Variants in CSMD2 observed in about 807,000 individuals in gnomAD.
CSMD2 encodes CUB and sushi domain-containing protein 2.
CSMD2 carries 130 observed loss-of-function variants against 398.5 expected under a neutral mutation model. The ratio of observed to expected loss-of-function variants is 0.33; its 90% CI spans 0.28 to 0.38. The LOEUF is 0.38. CSMD2 is among the 10% of genes least tolerant of loss of function. The pLI, the probability that CSMD2 is intolerant of heterozygous loss-of-function variation, is 1.00. For synonymous variants in CSMD2, 1,828 were observed against 1,908.5 expected (o/e 0.96, Z 1.10); for missense variants, 3,829 against 4,764.9 (o/e 0.80, Z 5.78).
At chr1:33,588,080 A>G (rs1639202796) in intron 44 of CSMD2, among the ~76,000 whole-genome samples, 1 of 152,254 alleles carries the variant, frequency 6.6e-6, no homozygotes, top group South Asian at 2.1e-4. Context: ...ACGACTGTTA[A>G]CCAATTACAG....
chr1:34,157,294 A>C (rs1167384325), intron 1 of CSMD2, among the ~76,000 whole-genome samples: 2 of 152,130 alleles, frequency 1.3e-5, no homozygotes, highest in African/African-American at 4.8e-5. Context: ...GAAGATGAAG[A>C]TGCTACAACA....
chr1:34,004,086 A>G (rs373030372), intron 3 of CSMD2, among the ~76,000 whole-genome samples: 32 of 152,214 alleles, frequency 2.1e-4, no homozygotes, highest in African/African-American at 7.5e-4. Context: ...CAACCTGAGT[A>G]CAGCCAAAAA....
At chr1:33,844,098 A>C (rs979472622) in intron 6 of CSMD2, among the ~76,000 whole-genome samples, 10 of 152,056 alleles carry the variant, frequency 6.6e-5, no homozygotes, top group Admixed American at 1.3e-4. Context: ...CTCCCGCTGG[A>C]CCCCTGACTG....
At chr1:34,014,191 G>A (rs898191741) in intron 3 of CSMD2, among the ~76,000 whole-genome samples, 1 of 152,162 alleles carries the variant, frequency 6.6e-6, no homozygotes, top group African/African-American at 2.4e-5. Flanking sequence ...CTTCTCACCT[G>A]CATTGCTGCA....
chr1:33,813,656 T>C (rs1162392234), intron 9 of CSMD2, among the ~76,000 whole-genome samples: 1 of 152,126 alleles, frequency 6.6e-6, no homozygotes, highest in African/African-American at 2.4e-5. Context: ...CATAGGGAGC[T>C]ACCACCTGGA....
chr1:34,139,957 C>T (rs538632634), intron 1 of CSMD2, among the ~76,000 whole-genome samples: 1 of 152,278 alleles, frequency 6.6e-6, no homozygotes, highest in South Asian at 2.1e-4. Flanking sequence ...CATGTCATTT[C>T]CATGGTCCCT....
intron 27 of CSMD2, 146 bp from the exon 28 acceptor site, chr1:33,652,607 AT>A (rs1643821156): frequency 1.2e-6 from 1 of 804,226 alleles, no homozygotes; most frequent in East Asian, 2.6e-5. Context: ...AGAAGGTGAA[AT>A]GATGGACTTC....
chr1:33,799,064 A>G (rs1281334338), intron 10 of CSMD2, among the ~76,000 whole-genome samples: 2 of 152,132 alleles, frequency 1.3e-5, no homozygotes, highest in Admixed American at 6.5e-5. Context: ...CTCTGTACCA[A>G]ATGCTCTTAG....
At chr1:33,913,590 C>G (rs952944641) in intron 5 of CSMD2, among the ~76,000 whole-genome samples, 1 of 152,266 alleles carries the variant, frequency 6.6e-6, no homozygotes, top group Middle Eastern at 3.4e-3. Flanking sequence ...ACCCATTTTT[C>G]AGATGTGGAA....
chr1:34,139,199 A>G (rs1639040675), intron 1 of CSMD2, among the ~76,000 whole-genome samples: 1 of 152,218 alleles, frequency 6.6e-6, no homozygotes, highest in Non-Finnish European at 1.5e-5. Flanking sequence ...AGGGGTGATT[A>G]ATCCATTCAT....
At chr1:33,765,009 T>C (rs1009862587) in intron 13 of CSMD2, among the ~76,000 whole-genome samples, 2 of 152,210 alleles carry the variant, frequency 1.3e-5, no homozygotes, top group African/African-American at 4.8e-5. Flanking sequence ...AAGCAATGTA[T>C]GCGAAGCAAT....
chr1:33,580,870 C>T lies in CSMD2; in HGVS notation c.7270G>A (p.Ala2424Thr), dbSNP rs1202409345. The part of the protein sequence containing the change: ...GPSGQSPLLK[A>T]LSGNYSAPLI... ...GGAGCTGAGTAATTCCCACTGAGGG[C>T]TTTCAGCAGAGGACTCTGTCCTGAT... The change falls in exon 48 of 71, where the codon GCC becomes ACC. Residue 2424 changes from alanine (A) to threonine (T), a missense_variant. Ala to Thr is a moderately conservative substitution (Grantham distance 58). This residue lies in a region of CSMD2 where 723 missense variants were observed against 758.6 expected (regional missense o/e 0.95). Transcript: ENST00000373381. The T allele has an allele frequency of 1.9e-6, 3 of 1,614,146 alleles. No individual in the cohort carries two copies. In the East Asian group the frequency reaches 6.7e-5, roughly 36 times the overall value.
intron 1 of CSMD2, among the ~76,000 whole-genome samples, chr1:34,137,585 T>C (rs1327580267): frequency 6.6e-6 from 1 of 152,150 alleles, no homozygotes; most frequent in Non-Finnish European, 1.5e-5. Context: ...AACTCTAGCC[T>C]GGGGTGAAGC....
At chr1:34,156,527 A>T (rs1480351247) in intron 1 of CSMD2, among the ~76,000 whole-genome samples, 1 of 152,226 alleles carries the variant, frequency 6.6e-6, no homozygotes, top group Non-Finnish European at 1.5e-5. Flanking sequence ...CAATAAATAG[A>T]TGTACCTACT....
At chr1:34,099,611 C>T (rs1219796690) in intron 1 of CSMD2, among the ~76,000 whole-genome samples, 1 of 152,182 alleles carries the variant, frequency 6.6e-6, no homozygotes, top group Non-Finnish European at 1.5e-5. Context: ...GAACATCTCC[C>T]ATGTAAGGGG....
chr1:33,994,343 T>A (rs1373641066), intron 3 of CSMD2, among the ~76,000 whole-genome samples: 2 of 151,770 alleles, frequency 1.3e-5, no homozygotes, highest in African/African-American at 4.8e-5. Flanking sequence ...TGGGAAGGCC[T>A]GTCTTCCCCC....
intron 1 of CSMD2, among the ~76,000 whole-genome samples, chr1:34,123,611 G>C (rs1004506111): frequency 6.6e-6 from 1 of 152,154 alleles, no homozygotes; most frequent in Non-Finnish European, 1.5e-5. Flanking sequence ...AAGCGGGGGG[G>C]AGTCTCGGGA....
intron 2 of CSMD2, among the ~76,000 whole-genome samples, chr1:34,053,407 C>T (rs1350681707): frequency 6.6e-6 from 1 of 152,152 alleles, no homozygotes; most frequent in Admixed American, 6.5e-5. Flanking sequence ...ACTGGCTCTT[C>T]TTTAGTCCAC....
At chr1:33,864,325 G>A (rs766438098) in intron 5 of CSMD2, 8 of 1,613,952 alleles carry the variant, frequency 5.0e-6, no homozygotes, top group Non-Finnish European at 6.8e-6. Context: ...TCTAGAAAGT[G>A]TTCGGAAAAA....
Sources: allele counts gnomAD v4.1 joint callset (sites outside exome capture counted in the v4.1 genomes callset), GRCh38; gene constraint gnomAD v4.1.1; regional missense constraint gnomAD v4.1.1; transcripts MANE v1.5; gene names NCBI Gene and HGNC (gene_info 2026-07-23, HGNC 2026-07-21).